The following DNAH11 variants were observed in gnomAD, a reference collection of about 807,000 sequenced individuals.
DNAH11 encodes axonemal beta dynein heavy chain 11.
DNAH11 carries 442 observed loss-of-function variants against 526.0 expected under a neutral mutation model. The observed-to-expected ratio is 0.84, with a 90% CI of 0.78 to 0.91. The LOEUF (loss-of-function observed/expected upper bound fraction) is 0.91. DNAH11 is among the 40% of genes least tolerant of loss of function. The probability of loss-of-function intolerance (pLI) is 0.00; values close to 1 mark genes in which losing one functional copy is unlikely to be tolerated. For missense variants in DNAH11, 6,989 were observed against 5,448.7 expected (o/e 1.28, Z -8.90); for synonymous variants, 2,461 against 1,935.9 (o/e 1.27, Z -7.12).
At chr7:21,569,743 C>T (rs976253804) in intron 6 of DNAH11, among the ~76,000 whole-genome samples, 1 of 152,116 alleles carries the variant, frequency 6.6e-6, no homozygotes, top group Non-Finnish European at 1.5e-5. Flanking sequence ...GATGAGAAAA[C>T]GATTGTTCAG....
In DNAH11 at chr7:21,735,765, C is replaced by T. The variant is rs769913396; in HGVS notation, c.7566C>T (p.Asp2522=). Reference sequence around the variant, plus strand: ...TGGGAAAAACAGTCTTTGTAGGTGACACATTGGCAAGTCTCTCTGAGGATT... The same window carrying T: ...TGGGAAAAACAGTCTTTGTAGGTGATACATTGGCAAGTCTCTCTGAGGATT... ...AGVGKTVFVG[D]TLASLSEDYI... is the part of the protein sequence containing the mutation. Residue 2522 remains aspartate (D), a synonymous_variant, in exon 46 of 82, where the codon GAC becomes GAT. Transcript: ENST00000409508. The T allele has an allele frequency of 6.2e-7, 1 of 1,613,956 alleles. No individual in the cohort carries two copies. Among genetic ancestry groups the T allele is most frequent in the Non-Finnish European group, 8.5e-7 (1 of 1,179,882 alleles).
chr7:21,562,789 GAA>G, intron 5 of DNAH11, among the ~76,000 whole-genome samples: 1 of 152,208 alleles, frequency 6.6e-6, no homozygotes, highest in Non-Finnish European at 1.5e-5. Flanking sequence ...ATCTGGGAAA[GAA>G]AATAATTCCT....
intron 61 of DNAH11, among the ~76,000 whole-genome samples, chr7:21,795,903 A>C (rs936345442): frequency 6.6e-6 from 1 of 152,220 alleles, no homozygotes; most frequent in African/African-American, 2.4e-5. Context: ...ATCCAGTCTT[A>C]AAAGATGAAT....
intron 25 of DNAH11, among the ~76,000 whole-genome samples, chr7:21,634,724 C>CT: frequency 6.6e-6 from 1 of 152,108 alleles, no homozygotes; most frequent in African/African-American, 2.4e-5. Context: ...ATGCCCATTA[C>CT]CTGGGTGATG....
chr7:21,712,521 A>G (rs1784501650), intron 42 of DNAH11, among the ~76,000 whole-genome samples: 1 of 152,042 alleles, frequency 6.6e-6, no homozygotes, highest in African/African-American at 2.4e-5. Flanking sequence ...ATCTCTCTAC[A>G]CCTGTGCCGG....
At chr7:21,646,165 A>T (rs1787349214) in intron 28 of DNAH11, among the ~76,000 whole-genome samples, 1 of 152,226 alleles carries the variant, frequency 6.6e-6, no homozygotes, top group South Asian at 2.1e-4. Flanking sequence ...GCTAGTAAAC[A>T]TAAGAAAGGT....
At chr7:21,801,524 C>G (rs942859275) in intron 62 of DNAH11, among the ~76,000 whole-genome samples, 5 of 152,178 alleles carry the variant, frequency 3.3e-5, no homozygotes, top group African/African-American at 1.2e-4. Flanking sequence ...AAGACATATA[C>G]TTTATCAGAA....
intron 61 of DNAH11, among the ~76,000 whole-genome samples, chr7:21,797,392 T>C (rs1423247410): frequency 1.3e-5 from 2 of 150,336 alleles, no homozygotes; most frequent in African/African-American, 2.5e-5. Context: ...GCTAATTTTG[T>C]ATTTTTAGTA....
At chr7:21,739,230 A>G (rs529157418) in intron 47 of DNAH11, among the ~76,000 whole-genome samples, 12 of 152,298 alleles carry the variant, frequency 7.9e-5, no homozygotes, top group South Asian at 4.1e-4. Context: ...GTAGTCTGCA[A>G]TCCCTGACAA....
intron 65 of DNAH11, 64 bp from the exon 66 acceptor site, chr7:21,842,480 G>T: frequency 7.4e-7 from 1 of 1,351,740 alleles, no homozygotes; most frequent in Non-Finnish European, 1.0e-6. Flanking sequence ...GGAATGGAAT[G>T]ACACCGTAGT....
intron 25 of DNAH11, among the ~76,000 whole-genome samples, chr7:21,634,621 T>TGGACACAAAGAA (rs1025022095): frequency 1.3e-5 from 2 of 152,072 alleles, no homozygotes; most frequent in African/African-American, 4.8e-5. Context: ...TGAGTCCCCT[T>TGGACACAAAGAA]GGACACAAAG....
intron 40 of DNAH11, among the ~76,000 whole-genome samples, chr7:21,709,127 A>G (rs1329566459): frequency 6.6e-6 from 1 of 152,206 alleles, no homozygotes; most frequent in Non-Finnish European, 1.5e-5. Context: ...ACATTCACTC[A>G]TATGTTCACT....
intron 30 of DNAH11, among the ~76,000 whole-genome samples, chr7:21,667,852 A>T (rs1782480478): frequency 6.6e-6 from 1 of 152,186 alleles, no homozygotes; most frequent in South Asian, 2.1e-4. Context: ...TTTTTCTAGA[A>T]TTGAATCAAA....
At chr7:21,868,084 G>C in intron 72 of DNAH11, 77 bp downstream of exon 72, 1 of 1,145,936 alleles carries the variant, frequency 8.7e-7, no homozygotes, top group Non-Finnish European at 1.1e-6. Flanking sequence ...CTTCTTTTCA[G>C]TTCACAGTGA....
intron 44 of DNAH11, among the ~76,000 whole-genome samples, chr7:21,722,635 C>T (rs1337130798): frequency 6.6e-6 from 1 of 152,076 alleles, no homozygotes; most frequent in African/African-American, 2.4e-5. Flanking sequence ...TTCTCAGAAG[C>T]CAGATTCCTT....
chr7:21,575,182 A>G (rs1426277707), intron 8 of DNAH11, among the ~76,000 whole-genome samples: 2 of 152,066 alleles, frequency 1.3e-5, no homozygotes, highest in Admixed American at 1.3e-4. Flanking sequence ...CAGCCCCTGC[A>G]TTCTTTTCAC....
intron 6 of DNAH11, among the ~76,000 whole-genome samples, chr7:21,565,060 C>T (rs1783609295): frequency 6.6e-6 from 1 of 152,122 alleles, no homozygotes; most frequent in Non-Finnish European, 1.5e-5. Flanking sequence ...TATTTGGAAC[C>T]ACTTAGTCTT....
At chr7:21,805,758 G>A (rs78286110) in intron 62 of DNAH11, among the ~76,000 whole-genome samples, 2,152 of 152,128 alleles carry the variant, frequency 0.014, 42 homozygotes, top group African/African-American at 0.049. Context: ...AGACAAGGAA[G>A]GGAAAAGAAA....
intron 30 of DNAH11, among the ~76,000 whole-genome samples, chr7:21,665,512 C>G (rs1372691017): frequency 6.6e-6 from 1 of 152,112 alleles, no homozygotes; most frequent in African/African-American, 2.4e-5. Context: ...AGTGTCCACT[C>G]CTTCCCCTGT....
Sources: gnomAD v4.1 joint callset for allele counts (sites outside exome capture counted in the v4.1 genomes callset) on GRCh38, gnomAD v4.1.1 for gene constraint, MANE v1.5 for transcripts, NCBI Gene and HGNC (gene_info 2026-07-23, HGNC 2026-07-21) for gene names.